Variants in SLC25A16 observed in about 807,000 individuals in gnomAD.
The protein encoded by SLC25A16 is mitochondrial coenzyme A transporter SLC25A16.
In SLC25A16, 39 loss-of-function variants were observed where a neutral mutation model predicts 41.5. The ratio of observed to expected loss-of-function variants is 0.94; its 90% CI spans 0.73 to 1.23. SLC25A16 has a LOEUF of 1.23. SLC25A16 is among the 50% of genes most tolerant of loss of function. The pLI, the probability that SLC25A16 is intolerant of heterozygous loss-of-function variation, is 0.00. For synonymous variants in SLC25A16, 146 were observed against 147.8 expected (o/e 0.99, Z 0.09); for missense variants, 421 against 426.9 (o/e 0.99, Z 0.12).
At chr10:68,503,993 G>A (rs1460604929) in intron 3 of SLC25A16, among the ~76,000 whole-genome samples, 1 of 150,482 alleles carries the variant, frequency 6.6e-6, no homozygotes, top group Non-Finnish European at 1.5e-5. Flanking sequence ...ACAAGTGACT[G>A]GGGGTAGTAG....
chr10:68,526,611 G>A (rs201391971), intron 1 of SLC25A16, among the ~76,000 whole-genome samples: 3 of 152,076 alleles, frequency 2.0e-5, no homozygotes, highest in African/African-American at 7.3e-5. Context: ...ACACCCACAG[G>A]TGTGGAGGGG....
chr10:68,504,043 T>TTTTTTG (rs2052906170), intron 3 of SLC25A16, among the ~76,000 whole-genome samples: 1 of 81,162 alleles, frequency 1.2e-5, no homozygotes, highest in African/African-American at 4.4e-5. Context: ...TTTTTTTTTT[T>TTTTTTG]GAGATGAAGT....
chr10:68,523,017 C>T (rs1468609550), intron 1 of SLC25A16, among the ~76,000 whole-genome samples: 2 of 152,054 alleles, frequency 1.3e-5, no homozygotes, highest in Admixed American at 6.6e-5. Context: ...TTTGGAACTA[C>T]TCTATATCTT....
chr10:68,524,227 G>A (rs111696149), intron 1 of SLC25A16, among the ~76,000 whole-genome samples: 13,666 of 144,998 alleles, frequency 0.094, 814 homozygotes, highest in East Asian at 0.25. Flanking sequence ...GGAGAATGGC[G>A]TGAACCCGGG....
At chr10:68,499,628 C>A in intron 4 of SLC25A16, 1 of 343,346 alleles carries the variant, frequency 2.9e-6, no homozygotes, top group Non-Finnish European at 5.7e-6. Context: ...TATGTCTTCC[C>A]CTCTTTCCAA....
chr10:68,493,350 A>T, intron 5 of SLC25A16, 99 bp downstream of exon 5: 1 of 1,189,312 alleles, frequency 8.4e-7, no homozygotes, highest in East Asian at 2.5e-5. Context: ...ATTAACATCA[A>T]TAATTATAAG....
chr10:68,485,234 C>T (rs1397681534), intron 8 of SLC25A16, among the ~76,000 whole-genome samples: 2 of 151,888 alleles, frequency 1.3e-5, no homozygotes, highest in African/African-American at 2.4e-5. Context: ...GGACTACAGG[C>T]GCACACCGCC....
rs1476824403 is a variant in SLC25A16 at position 68,482,547 on chromosome 10, G to C, written c.*885C>G. ...CAGTCTACTTAAATATTCTACTATA[G>C]AGCAAATCATCTAACAAAAACAAAT... On this transcript the variant is annotated 3_prime_UTR_variant, in exon 9 of 9. Coordinates refer to ENST00000609923, the MANE Select transcript of SLC25A16 (RefSeq NM_152707.4). 1 of 152,180 alleles carries C rather than the reference G, an allele frequency of 6.6e-6. No individual in the cohort carries two copies. The highest frequency in any genetic ancestry group is 2.4e-5 in the African/African-American group (1 of 41,292). The allele number at this position is 152,180 out of a possible 1,614,324, so 9.4% of individuals were successfully genotyped here. A position where few individuals can be genotyped will look rare whatever the true frequency, so the allele number is the denominator to read the frequency against.
At chr10:68,524,713 A>G (rs1272671241) in intron 1 of SLC25A16, among the ~76,000 whole-genome samples, 3 of 150,682 alleles carry the variant, frequency 2.0e-5, no homozygotes, top group Non-Finnish European at 3.0e-5. Context: ...ATCTCAAAAA[A>G]AAAAAAAAAA....
At chr10:68,487,905 G>C (rs2052591419) in intron 7 of SLC25A16, among the ~76,000 whole-genome samples, 1 of 151,876 alleles carries the variant, frequency 6.6e-6, no homozygotes, top group Admixed American at 6.6e-5. Flanking sequence ...CCAGGCTGGA[G>C]TGCAGTGACG....
intron 6 of SLC25A16, among the ~76,000 whole-genome samples, chr10:68,491,588 G>A (rs991410137): frequency 2.6e-5 from 4 of 152,010 alleles, no homozygotes; most frequent in African/African-American, 9.7e-5. Context: ...ACCCAGGAGG[G>A]TGTCCATTCT....
intron 6 of SLC25A16, among the ~76,000 whole-genome samples, chr10:68,490,966 T>G (rs1228827696): frequency 6.6e-6 from 1 of 152,068 alleles, no homozygotes; most frequent in East Asian, 1.9e-4. Context: ...CACAGCTCGC[T>G]GAAGCCTCAA....
At chr10:68,486,978 A>AT (rs1361786096) in intron 8 of SLC25A16, 166 bp downstream of exon 8, 5 of 412,824 alleles carry the variant, frequency 1.2e-5, no homozygotes, top group African/African-American at 8.6e-5. Context: ...AAAAAAAAAA[A>AT]AAAAGAACCT....
At chr10:68,491,536 T>C (rs1428809572) in intron 6 of SLC25A16, among the ~76,000 whole-genome samples, 4 of 151,878 alleles carry the variant, frequency 2.6e-5, no homozygotes, top group Non-Finnish European at 5.9e-5. Context: ...TGTTGTTGCT[T>C]TTTTGTTTGT....
At position 68,481,412 on chromosome 10, in the gene SLC25A16, C is replaced by A. The variant is rs759875808; in HGVS notation, c.*2020G>T. The A allele has an allele frequency of 3.3e-5, 5 of 152,150 alleles. No individual in the cohort carries two copies. Among genetic ancestry groups the A allele is most frequent in the Non-Finnish European group, 7.4e-5 (5 of 68,024 alleles). The allele number at this position is 152,150 out of a possible 1,614,324, so 9.4% of individuals were successfully genotyped here. On this transcript the variant is annotated 3_prime_UTR_variant, in exon 9 of 9. Transcript: ENST00000609923. ...TTTTTACCAAGGTATGACAAGAAAC[C>A]TTTTATGTAAAGAAATAAAAATTGA...
chr10:68,496,802 C>T (rs1212503171), intron 4 of SLC25A16: 1 of 629,160 alleles, frequency 1.6e-6, no homozygotes, highest in Non-Finnish European at 2.0e-6. Flanking sequence ...GAAATAAACA[C>T]AAAAGACTTT....
At chr10:68,511,698 C>A (rs2053066026) in intron 2 of SLC25A16, among the ~76,000 whole-genome samples, 1 of 152,120 alleles carries the variant, frequency 6.6e-6, no homozygotes, top group East Asian at 1.9e-4. Flanking sequence ...CAGGTCTAAT[C>A]CTTTCTTTTT....
At chr10:68,496,237 G>C (rs1320085673) in intron 4 of SLC25A16, among the ~76,000 whole-genome samples, 1 of 152,144 alleles carries the variant, frequency 6.6e-6, no homozygotes, top group Non-Finnish European at 1.5e-5. Context: ...AATTCAGCTT[G>C]CCTGCTGCTA....
chr10:68,493,601 A>T, intron 4 of SLC25A16, 31 bp from the exon 5 acceptor site: 1 of 1,574,834 alleles, frequency 6.3e-7, no homozygotes, highest in South Asian at 1.1e-5. Context: ...TAGAGGTACA[A>T]TGAATTTTTG....
Sources: allele counts gnomAD v4.1 joint callset (sites outside exome capture counted in the v4.1 genomes callset), GRCh38; gene constraint gnomAD v4.1.1; transcripts MANE v1.5; gene names NCBI Gene and HGNC (gene_info 2026-07-23, HGNC 2026-07-21).